The following MVP variants were observed in gnomAD, a reference collection of about 807,000 sequenced individuals.
MVP encodes the protein major vault protein.
In MVP, 62 loss-of-function variants were observed where a neutral mutation model predicts 83.5. That is an observed-to-expected ratio of 0.74 (90% CI 0.61 to 0.92). MVP has a LOEUF of 0.92. Among genes scored for constraint, MVP ranks in the 40% least tolerant of loss-of-function variants. The pLI is 0.00. For missense variants in MVP, 1,000 were observed against 1,203.4 expected, an observed-to-expected ratio of 0.83 and a Z score of 2.50; for synonymous variants, 505 against 504.1, an observed-to-expected ratio of 1.00 and a Z score of -0.02.
intron 3 of MVP, 65 bp from the exon 4 acceptor site, chr16:29,833,668 G>A: frequency 6.2e-7 from 1 of 1,602,566 alleles, no homozygotes; most frequent in African/African-American, 1.3e-5. Context: ...CGCCTCCAGA[G>A]CATCAGGCTT....
chr16:29,835,983 G>C (rs1382669913), intron 6 of MVP, among the ~76,000 whole-genome samples, 185 bp downstream of exon 6: 1 of 152,026 alleles, frequency 6.6e-6, no homozygotes, highest in Admixed American at 6.6e-5. Context: ...AGTCTTTCTG[G>C]GGCTGGGCGC....
chr16:29,846,535 C>T (rs1006667961), intron 13 of MVP, among the ~76,000 whole-genome samples: 1 of 152,226 alleles, frequency 6.6e-6, no homozygotes, highest in South Asian at 2.1e-4. Flanking sequence ...GTGTATGCTT[C>T]ATAGGCATTA....
chr16:29,838,362 G>C (rs923074039), intron 7 of MVP, among the ~76,000 whole-genome samples: 6 of 150,916 alleles, frequency 4.0e-5, no homozygotes, highest in Non-Finnish European at 8.9e-5. Context: ...CTTGAACCCG[G>C]GAGGCGGAGG....
At position 29,830,952 on chromosome 16, in the gene MVP, G is replaced by A. The variant is rs201797714; in HGVS notation, c.200G>A (p.Arg67Gln). 280 of 1,613,850 alleles carry A rather than the reference G, an allele frequency of 1.7e-4. 1 individual carries two copies. Among genetic ancestry groups the A allele is most frequent in the Non-Finnish European group, 2.2e-4 (265 of 1,179,992 alleles). The change falls in exon 3 of 15, where the codon CGG (arginine) becomes CAG (glutamine). Residue 67 changes from arginine (R) to glutamine (Q), a missense_variant. Physicochemically the swap from Arg to Gln is conservative, Grantham distance 43. Transcript: ENST00000357402. Reference sequence around the variant, plus strand: ...TGCACAGTGGCCAACCCTGTGTCTCGGGATGCCCAGGGCTTGGTGCTGTTT... The same window carrying A: ...TGCACAGTGGCCAACCCTGTGTCTCAGGATGCCCAGGGCTTGGTGCTGTTT... ...HYCTVANPVS[R>Q]DAQGLVLFDV...
At position 29,846,204 on chromosome 16, in the gene MVP, C is replaced by T. The variant is rs772481190; in HGVS notation, c.2185C>T (p.Arg729Cys). The change falls in exon 13 of 15, where the codon CGT becomes TGT. Residue 729 changes from arginine to cysteine, a missense_variant. Transcript: ENST00000357402. ...GACTGCCAAGGCGGAGGCCGAGTCC[C>T]GTGCGGAGGCAGCCCGGATTGAGGG... Reference protein sequence around the residue: ...TGTAKAEAESRAEAARIEGEG... With the variant: ...TGTAKAEAESCAEAARIEGEG... The T allele has an allele frequency of 1.3e-5, 21 of 1,602,178 alleles. No homozygotes were observed. Among genetic ancestry groups the T allele is most frequent in the East Asian group, 6.8e-5 (3 of 44,416 alleles).
intron 3 of MVP, 143 bp from the exon 4 acceptor site, chr16:29,833,590 G>T (rs148941458): frequency 1.4e-5 from 15 of 1,078,592 alleles, no homozygotes; most frequent in Non-Finnish European, 2.0e-5. Flanking sequence ...GATGACAGGT[G>T]TGAGCCACTG....
intron 13 of MVP, 146 bp from the exon 14 acceptor site, chr16:29,847,051 G>A (rs1235414425): frequency 2.4e-6 from 2 of 830,592 alleles, no homozygotes; most frequent in East Asian, 2.5e-5. Context: ...TTGACTGGGT[G>A]TGGTGGCACA....
chr16:29,848,033 A>T (rs1478359223), downstream of MVP: 2 of 1,580,300 alleles, frequency 1.3e-6, no homozygotes, highest in Non-Finnish European at 1.7e-6. Flanking sequence ...TTACAATTTC[A>T]ACACTTTTCT....
rs555561522 is a variant in MVP, at chr16:29,841,963, C to T, written c.1485C>T (p.Phe495=). ...TGTCGCTGGGTCCTGAGGAGCAGTT[C>T]ACAGTGTTGTCCCTCTCAGCTGGGC... ...ELVSLGPEEQ[F]TVLSLSAGRP... Residue 495 remains phenylalanine, a synonymous_variant, in exon 10 of 15, where the codon TTC becomes TTT. Coordinates refer to ENST00000357402, the MANE Select transcript of MVP (RefSeq NM_005115.5). This position sits in a 1 kb window ranked among gnomAD's most constrained non-coding sequence, Gnocchi z 4.7. 32 of 1,612,894 alleles carry T rather than the reference C, an allele frequency of 2.0e-5. No homozygotes were observed. In the African/African-American group the frequency reaches 4.1e-4, roughly 21 times the overall value.
Position 29,848,011 on chromosome 16 carries a change from G to A in MVP, c.*22G>A, listed in dbSNP as rs780942636. 3 of 1,599,770 alleles carry A rather than the reference G, an allele frequency of 1.9e-6. No homozygotes were observed. The highest frequency in any genetic ancestry group is 2.6e-6 in the Non-Finnish European group (3 of 1,173,246). Reference sequence around the variant, plus strand: ...CTAACTCCTGATTAATACAATGGAAGTTTCTGGGCATTTACAATTTCAACA... The same window carrying A: ...CTAACTCCTGATTAATACAATGGAAATTTCTGGGCATTTACAATTTCAACA... On this transcript the variant is annotated 3_prime_UTR_variant, in exon 15 of 15. Coordinates refer to ENST00000357402, the MANE Select transcript of MVP (RefSeq NM_005115.5).
intron 1 of MVP, 111 bp from the exon 2 acceptor site, chr16:29,830,404 C>G (rs1243973138): frequency 4.5e-6 from 4 of 884,676 alleles, no homozygotes; most frequent in Non-Finnish European, 5.2e-6. Flanking sequence ...GGTGCAGTGG[C>G]CTGGCTGGAG....
chr16:29,847,969 G>C lies in MVP; in HGVS notation c.2662G>C (p.Val888Leu), dbSNP rs749699271. 1 of 1,609,302 alleles carries C rather than the reference G, an allele frequency of 6.2e-7. No homozygotes were observed. The highest frequency in any genetic ancestry group is 8.5e-7 in the Non-Finnish European group (1 of 1,178,724). ...QAPQAPGDNH[V>L]VPVLR ...CCCTCAAGCTCCTGGAGACAACCACGTGGTGCCTGTACTGCGCTAACTCCT... is the reference window on the plus strand; with the variant it reads ...CCCTCAAGCTCCTGGAGACAACCACCTGGTGCCTGTACTGCGCTAACTCCT... Residue 888 changes from valine (V) to leucine (L), a missense_variant, in exon 15 of 15, where the codon GTG (valine) becomes CTG (leucine). Val to Leu is a conservative substitution (Grantham distance 32). Transcript: ENST00000357402.
At position 29,844,897 on chromosome 16, in the gene MVP, C is replaced by T. The variant is rs1187877772; in HGVS notation, c.2021+18C>T. 6.3e-7 allele frequency: 1 copy of T among 1,586,778 alleles called. No individual in the cohort carries two copies. On this transcript the variant is annotated intron_variant, in intron 11 of 14. Transcript: ENST00000357402. ...GCGGCCAAGTAAGTGAGGCTGGGAGCTCGGCTGCCTATAATGCCCATGGCA... is the reference window on the plus strand; with the variant it reads ...GCGGCCAAGTAAGTGAGGCTGGGAGTTCGGCTGCCTATAATGCCCATGGCA...
chr16:29,845,874 A>G lies in MVP; in HGVS notation c.2033A>G (p.Gln678Arg), dbSNP rs371680186. Residue 678 changes from glutamine to arginine, a missense_variant, in exon 12 of 15, where the codon CAG becomes CGG. By Grantham distance (43) the Gln-to-Arg change is conservative (BLOSUM62 1). Coordinates refer to ENST00000357402, the MANE Select transcript of MVP (RefSeq NM_005115.5). ...SQEAAAKHEA[Q>R]RLEQEARGRL... ...TCCGTCTCCTCCAGGCATGAGGCTC[A>G]GAGACTGGAGCAGGAAGCCCGCGGC... is the stretch of plus-strand genomic sequence containing the variant. The G allele has an allele frequency of 6.2e-7, 1 of 1,613,936 alleles. No individual in the cohort carries two copies. The highest frequency in any genetic ancestry group is 1.7e-5 in the Admixed American group (1 of 60,008).
At chr16:29,821,183 C>T (rs1268352008) in intron 1 of MVP, 2 of 152,280 alleles carry the variant, frequency 1.3e-5, no homozygotes, top group Non-Finnish European at 2.9e-5. Flanking sequence ...GGGAGCCAAG[C>T]ACTTGGGGGT....
intron 1 of MVP, chr16:29,829,713 C>T (rs1173917110): frequency 6.6e-6 from 1 of 152,190 alleles, no homozygotes; most frequent in Non-Finnish European, 1.5e-5. Context: ...CCTTCCTTTC[C>T]ACCCTACCCT....
At chr16:29,831,566 G>A in intron 3 of MVP, 1 of 455,480 alleles carries the variant, frequency 2.2e-6, no homozygotes, top group South Asian at 1.6e-5. Context: ...CTCACCTCCA[G>A]CCACCCCCAT....
In MVP at chr16:29,844,826, C is replaced by T. The variant is rs1243536709; in HGVS notation, c.1968C>T (p.Arg656=). 1.2e-6 allele frequency: 2 copies of T among 1,607,306 alleles called. No homozygotes were observed. Among genetic ancestry groups the T allele is most frequent in the South Asian group, 2.2e-5 (2 of 91,064 alleles). ...AGAGGACCCGGGACGCCCTGCAACG[C>T]AGCGTCCAGCTGGCCATCGAGATCA... ...VDQRTRDALQ[R]SVQLAIEITT... Residue 656 remains arginine (R), a synonymous_variant, in exon 11 of 15, where the codon CGC becomes CGT. Coordinates refer to ENST00000357402, the MANE Select transcript of MVP (RefSeq NM_005115.5).
intron 1 of MVP, among the ~76,000 whole-genome samples, chr16:29,823,859 TGAG>T (rs1203785618): frequency 1.5e-5 from 2 of 129,144 alleles, no homozygotes; most frequent in African/African-American, 5.9e-5. Context: ...AAAAAAAAAA[TGAG>T]GGAGAACTTT....
Sources: allele counts gnomAD v4.1 joint callset (sites outside exome capture counted in the v4.1 genomes callset), GRCh38; gene constraint gnomAD v4.1.1; non-coding constraint Gnocchi (gnomAD v3.1); transcripts MANE v1.5; gene names NCBI Gene and HGNC (gene_info 2026-07-23, HGNC 2026-07-21).